Variants in DLEC1 observed in about 807,000 individuals in gnomAD.
The protein encoded by DLEC1 is deleted in lung and esophageal cancer protein 1.
A neutral mutation model predicts 198.1 loss-of-function variants in DLEC1; 146 were observed. That is an observed-to-expected ratio of 0.74 (90% CI 0.64 to 0.85). The LOEUF (loss-of-function observed/expected upper bound fraction) is 0.85, where lower values mean the gene tolerates loss of function less well. Ranked by LOEUF, DLEC1 falls within the 40% of genes least tolerant of loss-of-function variation. The pLI is 0.00. For missense variants in DLEC1, 2,233 were observed against 2,220.0 expected (o/e 1.01, Z -0.12); for synonymous variants, 897 against 866.8 (o/e 1.03, Z -0.61).
chr3:38,116,958 T>A lies in DLEC1; in HGVS notation c.4180-17T>A. The A allele has an allele frequency of 6.2e-7, 1 of 1,613,620 alleles. No individual in the cohort carries two copies. Among genetic ancestry groups the A allele is most frequent in the Non-Finnish European group, 8.5e-7 (1 of 1,179,882 alleles). On this transcript the variant is annotated splice_polypyrimidine_tract_variant and intron_variant, in intron 29 of 36. Coordinates refer to ENST00000308059, the MANE Select transcript of DLEC1 (RefSeq NM_007335.4). ...AGTGGGCATGGGACAGTGCTAAGGC[T>A]GCTGTGTCTATGCCAGGTGGTCCCT...
chr3:38,039,263 C>T lies in DLEC1; in HGVS notation c.38C>T (p.Ala13Val). 1 of 1,612,814 alleles carries T rather than the reference C, an allele frequency of 6.2e-7. No homozygotes were observed. Among genetic ancestry groups the T allele is most frequent in the Non-Finnish European group, 8.5e-7 (1 of 1,179,252 alleles). The change falls in exon 1 of 37, where the codon GCG becomes GTG. Residue 13 changes from alanine to valine, a missense_variant. Coordinates refer to ENST00000308059, the MANE Select transcript of DLEC1 (RefSeq NM_007335.4). ...TRSSKTRRSL[A>V]SRTNECQGTM... Reference sequence around the variant, plus strand: ...AGCTCCAAAACGCGGAGGTCTTTAGCGTCCCGGACCAACGAGTGCCAGGGG... The same window carrying T: ...AGCTCCAAAACGCGGAGGTCTTTAGTGTCCCGGACCAACGAGTGCCAGGGG...
At chr3:38,116,076 C>T (rs1700141977) in intron 27 of DLEC1, among the ~76,000 whole-genome samples, 1 of 151,962 alleles carries the variant, frequency 6.6e-6, no homozygotes, top group African/African-American at 2.4e-5. Context: ...TGAAAGCTGA[C>T]ATAGGCTGAT....
intron 1 of DLEC1, among the ~76,000 whole-genome samples, chr3:38,043,562 C>G (rs1259759352): frequency 6.6e-6 from 1 of 152,214 alleles, no homozygotes; most frequent in African/African-American, 2.4e-5. Flanking sequence ...CATTCATATG[C>G]TATTATAGCG....
chr3:38,069,160 A>G (rs1697183645), intron 6 of DLEC1, among the ~76,000 whole-genome samples: 1 of 152,186 alleles, frequency 6.6e-6, no homozygotes, highest in Non-Finnish European at 1.5e-5. Context: ...GGAAGAGGGC[A>G]GTATTCTATT....
intron 19 of DLEC1, among the ~76,000 whole-genome samples, chr3:38,105,970 G>A (rs1252955687): frequency 6.6e-6 from 1 of 151,900 alleles, no homozygotes; most frequent in East Asian, 1.9e-4. Context: ...GTTGTCCAGG[G>A]CTTTATAGTA....
At chr3:38,085,609 TC>T (rs1461372088) in intron 8 of DLEC1, among the ~76,000 whole-genome samples, 162 bp downstream of exon 8, 1 of 152,020 alleles carries the variant, frequency 6.6e-6, no homozygotes, top group South Asian at 2.1e-4. Context: ...TCTGTAGCCA[TC>T]CACAGTGTCA....
At chr3:38,119,422 C>G (rs1700342626) in intron 33 of DLEC1, among the ~76,000 whole-genome samples, 1 of 152,160 alleles carries the variant, frequency 6.6e-6, no homozygotes, top group South Asian at 2.1e-4. Flanking sequence ...CATCTCTGAC[C>G]AAGCCACCAA....
intron 15 of DLEC1, 152 bp from the exon 16 acceptor site, chr3:38,097,030 G>T (rs11129779): frequency 0.058 from 47,169 of 816,494 alleles, 1,679 homozygotes; most frequent in Middle Eastern, 0.14. Flanking sequence ...GGTGCTTTTG[G>T]GTTGGGAGGC....
chr3:38,120,656 G>A (rs1352944710), intron 34 of DLEC1, 47 bp downstream of exon 34: 1 of 1,609,420 alleles, frequency 6.2e-7, no homozygotes, highest in African/African-American at 1.3e-5. Context: ...GAAGTGGGCT[G>A]GGCTGTGTTC....
chr3:38,095,792 C>T, intron 13 of DLEC1, 96 bp from the exon 14 acceptor site: 1 of 1,511,084 alleles, frequency 6.6e-7, no homozygotes, highest in Non-Finnish European at 9.2e-7. Flanking sequence ...GATGGCTAGG[C>T]TAAGGGGAGG....
intron 8 of DLEC1, 125 bp downstream of exon 8, chr3:38,085,572 G>A: frequency 8.9e-7 from 1 of 1,128,258 alleles, no homozygotes; most frequent in African/African-American, 1.6e-5. Flanking sequence ...GGGGCCGTGG[G>A]TCCTGCAGAG....
chr3:38,096,970 C>T (rs1288604165), intron 15 of DLEC1, among the ~76,000 whole-genome samples: 1 of 152,216 alleles, frequency 6.6e-6, no homozygotes, highest in Non-Finnish European at 1.5e-5. Context: ...GGAACCTATT[C>T]CCGTCCTTGG....
chr3:38,055,391 G>A (rs1041874346), intron 2 of DLEC1, among the ~76,000 whole-genome samples: 1 of 152,220 alleles, frequency 6.6e-6, no homozygotes, highest in Non-Finnish European at 1.5e-5. Flanking sequence ...ACAAATTACA[G>A]AGAGCAGATG....
chr3:38,040,680 G>A (rs1194707221), intron 1 of DLEC1, among the ~76,000 whole-genome samples: 1 of 152,102 alleles, frequency 6.6e-6, no homozygotes, highest in Non-Finnish European at 1.5e-5. Context: ...TCATTCACAT[G>A]AGCCAGAATA....
At chr3:38,113,740 T>C (rs1316838874) in intron 25 of DLEC1, among the ~76,000 whole-genome samples, 1 of 151,964 alleles carries the variant, frequency 6.6e-6, no homozygotes, top group Non-Finnish European at 1.5e-5. Context: ...GAAAAGATTA[T>C]TAAAGGCATG....
At chr3:38,049,764 C>T (rs868245782) in intron 2 of DLEC1, among the ~76,000 whole-genome samples, 1 of 152,216 alleles carries the variant, frequency 6.6e-6, no homozygotes, top group Non-Finnish European at 1.5e-5. Context: ...CATCTCTTGT[C>T]ACATGGCCTT....
chr3:38,112,155 AC>A lies in DLEC1; in HGVS notation c.3515-53del. On this transcript the variant is annotated intron_variant, in intron 24 of 36. Coordinates refer to ENST00000308059, the MANE Select transcript of DLEC1 (RefSeq NM_007335.4). The surrounding 1 kb of genome is among the most constrained non-coding windows in gnomAD (Gnocchi z 4.8). ...GCTTTGCTCACACACGAGGGTTTGG[AC>A]CTCACTCCCAACCCCAGGCCCGTGA... 1 of 1,609,736 alleles carries A rather than the reference AC, an allele frequency of 6.2e-7. No individual in the cohort carries two copies. Among genetic ancestry groups the A allele is most frequent in the Non-Finnish European group, 8.5e-7 (1 of 1,177,506 alleles).
intron 36 of DLEC1, 31 bp from the exon 37 acceptor site, chr3:38,122,258 C>G (rs758393361): frequency 6.2e-7 from 1 of 1,608,452 alleles, no homozygotes; most frequent in Non-Finnish European, 8.5e-7. Context: ...CCAGGTGCCT[C>G]CTAACCTCAG....
At chr3:38,090,883 T>A (rs973994164) in intron 10 of DLEC1, among the ~76,000 whole-genome samples, 1 of 152,152 alleles carries the variant, frequency 6.6e-6, no homozygotes, top group African/African-American at 2.4e-5. Context: ...TCTTCAACAA[T>A]TATCAACCCT....
Sources: gnomAD v4.1 joint callset for allele counts (sites outside exome capture counted in the v4.1 genomes callset) on GRCh38, gnomAD v4.1.1 for gene constraint, Gnocchi (gnomAD v3.1) non-coding constraint, MANE v1.5 for transcripts, NCBI Gene and HGNC (gene_info 2026-07-23, HGNC 2026-07-21) for gene names.